PTPRB: variants seen among roughly 807,000 people sequenced by gnomAD.
The protein encoded by PTPRB is protein tyrosine phosphatase receptor type B.
A neutral mutation model predicts 238.1 loss-of-function variants in PTPRB; 97 were observed. The observed-to-expected ratio is 0.41, with a 90% CI of 0.35 to 0.48. PTPRB has a LOEUF of 0.48. Ranked by LOEUF, PTPRB falls within the 20% of genes least tolerant of loss-of-function variation. The probability of loss-of-function intolerance (pLI) is 0.30; values close to 1 mark genes in which losing one functional copy is unlikely to be tolerated. For synonymous variants in PTPRB, 970 were observed against 995.4 expected (o/e 0.97, Z 0.48); for missense variants, 2,292 against 2,681.9 (o/e 0.85, Z 3.21).
chr12:70,621,963 C>T (rs978936305), intron 3 of PTPRB, among the ~76,000 whole-genome samples: 1 of 152,140 alleles, frequency 6.6e-6, no homozygotes, highest in Admixed American at 6.6e-5. Flanking sequence ...TTAATGTGCT[C>T]CTGAATCAAT....
intron 3 of PTPRB, among the ~76,000 whole-genome samples, chr12:70,615,471 T>C (rs1884638027): frequency 6.6e-6 from 1 of 152,200 alleles, no homozygotes; most frequent in Non-Finnish European, 1.5e-5. Flanking sequence ...CCCACACCCA[T>C]TTATCAGCCT....
At chr12:70,569,651 G>A (rs910642344) in intron 14 of PTPRB, 24 bp downstream of exon 14, 2 of 1,612,582 alleles carry the variant, frequency 1.2e-6, no homozygotes, top group African/African-American at 2.7e-5. Flanking sequence ...CTACAATCTA[G>A]CCCTTCTCCA....
intron 16 of PTPRB, 62 bp downstream of exon 16, chr12:70,562,782 A>C: frequency 1.3e-6 from 2 of 1,563,994 alleles, no homozygotes; most frequent in Middle Eastern, 3.4e-4. Context: ...CAACCAAGGA[A>C]AAGCCAGTGA....
At chr12:70,608,859 C>T in intron 4 of PTPRB, 1 of 684,448 alleles carries the variant, frequency 1.5e-6, no homozygotes, top group Non-Finnish European at 2.3e-6. Flanking sequence ...AGCTAGTTGG[C>T]TGTTTTCAGC....
chr12:70,626,296 CATCTATCT>C (rs35084668), intron 2 of PTPRB, among the ~76,000 whole-genome samples: 12,059 of 91,512 alleles, frequency 0.13, 854 homozygotes, highest in South Asian at 0.14. Context: ...TCTATCCATC[CATCTATCT>C]ATCTATCTAT....
At chr12:70,521,591 G>A in intron 33 of PTPRB, 80 bp from the exon 34 acceptor site, 1 of 1,258,426 alleles carries the variant, frequency 7.9e-7, no homozygotes. Flanking sequence ...AATTACCAAT[G>A]TGAAAGACCA....
intron 15 of PTPRB, among the ~76,000 whole-genome samples, chr12:70,564,867 T>C (rs754432810): frequency 0.12 from 12,689 of 106,818 alleles, 672 homozygotes; most frequent in South Asian, 0.17. Flanking sequence ...ATAATAATAA[T>C]AATAATAATA....
intron 31 of PTPRB, among the ~76,000 whole-genome samples, chr12:70,532,798 C>G (rs935136900): frequency 6.6e-6 from 1 of 151,960 alleles, no homozygotes; most frequent in Middle Eastern, 3.4e-3. Context: ...TGTGTAACTA[C>G]TCCCAGCTAA....
rs761436274 is a variant in PTPRB at position 70,590,198 on chromosome 12, T to C, written c.1816A>G (p.Asn606Asp). The change falls in exon 8 of 34, where the codon AAT becomes GAT. Residue 606 changes from asparagine to aspartate, a missense_variant. Transcript: ENST00000334414. ...DKVANLEANN[N>D]GRMRSLVVSW... Reference sequence around the variant, plus strand: ...ACTACAAGAGACCTCATCCTGCCATTATTGTTTGCCTCCAGGTTTGCAACT... The same window carrying C: ...ACTACAAGAGACCTCATCCTGCCATCATTGTTTGCCTCCAGGTTTGCAACT... The C allele has an allele frequency of 3.8e-6, 6 of 1,585,652 alleles. No homozygotes were observed. The highest frequency in any genetic ancestry group is 5.2e-6 in the Non-Finnish European group (6 of 1,164,372).
rs1328916410 is a variant in PTPRB, at chr12:70,563,022, G to A, written c.3990C>T (p.Leu1330=). The A allele has an allele frequency of 1.9e-6, 3 of 1,613,984 alleles. No homozygotes were observed. Among genetic ancestry groups the A allele is most frequent in the East Asian group, 4.5e-5 (2 of 44,874 alleles). ...TGTACAAAAAGATGTTGTACCAGCT[G>A]AGCTCCCCCTCTGAGGCGGTCCAGC... ...SFRWTASEGE[L]SWYNIFLYNP... The change falls in exon 16 of 34, where the codon CTC becomes CTT. Residue 1330 remains leucine, a synonymous_variant. Transcript: ENST00000334414.
intron 15 of PTPRB, among the ~76,000 whole-genome samples, chr12:70,564,487 C>A (rs957959289): frequency 5.3e-5 from 8 of 149,670 alleles, no homozygotes; most frequent in Non-Finnish European, 8.9e-5. Flanking sequence ...CCACTGCACT[C>A]CAGCTTGGGC....
rs1385330009 is a variant in PTPRB at position 70,562,882 on chromosome 12, C to A, written c.4130G>T (p.Gly1377Val). The change falls in exon 16 of 34, where the codon GGG (glycine) becomes GTG (valine). Residue 1377 changes from glycine to valine, a missense_variant. Gly to Val is a moderately radical substitution (Grantham distance 109). Around this residue, in one of 4 missense-constraint regions of PTPRB, gnomAD observed 683 missense variants for 862.0 expected, o/e 0.79. Transcript: ENST00000334414. ...TATGAAAGACTCATTAGACAGCTCC[C>A]CACTGTGAGTTACAATCACCATCTT... ...MYKMVIVTHS[G>V]ELSNESFIFG... 1.2e-6 allele frequency: 2 copies of A among 1,613,990 alleles called. No homozygotes were observed. Among genetic ancestry groups the A allele is most frequent in the Middle Eastern group, 1.6e-4 (1 of 6,062 alleles).
At chr12:70,603,552 G>C (rs778139409) in intron 4 of PTPRB, among the ~76,000 whole-genome samples, 1 of 152,064 alleles carries the variant, frequency 6.6e-6, no homozygotes, top group Admixed American at 6.5e-5. Flanking sequence ...GTAAACCAGA[G>C]TTCAAGTTCT....
At chr12:70,604,222 CAG>C (rs1883758195) in intron 4 of PTPRB, among the ~76,000 whole-genome samples, 1 of 151,930 alleles carries the variant, frequency 6.6e-6, no homozygotes, top group Non-Finnish European at 1.5e-5. Context: ...GCCTGGGTAA[CAG>C]AGCAAGATCC....
chr12:70,605,004 G>A (rs1460796276), intron 4 of PTPRB, among the ~76,000 whole-genome samples: 1 of 152,148 alleles, frequency 6.6e-6, no homozygotes, highest in African/African-American at 2.4e-5. Flanking sequence ...ACAATAAGAA[G>A]TGGAAATAAT....
At chr12:70,525,096 C>T (rs1193997582) in intron 32 of PTPRB, among the ~76,000 whole-genome samples, 1 of 151,904 alleles carries the variant, frequency 6.6e-6, no homozygotes, top group Non-Finnish European at 1.5e-5. Context: ...TCCTATGTAG[C>T]TTACGTAAAT....
At chr12:70,615,560 T>C (rs1405032912) in intron 3 of PTPRB, among the ~76,000 whole-genome samples, 1 of 152,354 alleles carries the variant, frequency 6.6e-6, no homozygotes, top group Non-Finnish European at 1.5e-5. Flanking sequence ...GCTCTGTAAC[T>C]ACAAACAGCC....
Position 70,609,257 on chromosome 12 carries a change from C to A in PTPRB, c.791G>T (p.Arg264Ile), listed in dbSNP as rs1884228447. 1.2e-6 allele frequency: 2 copies of A among 1,614,058 alleles called. No homozygotes were observed. Among genetic ancestry groups the A allele is most frequent in the East Asian group, 2.2e-5 (1 of 44,880 alleles). ...AAAGTTACAGGGTGAGCCCAAAATT[C>A]TCCACTGGATAGACACAGAATGGCT... ...ASSHSVSIQW[R>I]ILGSPCNFSL... Residue 264 changes from arginine to isoleucine, a missense_variant, in exon 4 of 34, where the codon AGA becomes ATA. By Grantham distance (97) the Arg-to-Ile change is moderately conservative. This residue lies in a region of PTPRB where 1,205 missense variants were observed against 1,287.8 expected (regional missense o/e 0.94). Coordinates refer to ENST00000334414, the MANE Select transcript of PTPRB (RefSeq NM_001109754.4).
In PTPRB at chr12:70,581,097, C is replaced by G. The variant is rs767015316; in HGVS notation, c.2517G>C (p.Val839=). 1.2e-6 allele frequency: 2 copies of G among 1,614,020 alleles called. No individual in the cohort carries two copies. The highest frequency in any genetic ancestry group is 3.3e-5 in the Admixed American group (2 of 60,008). The stretch of plus-strand genomic sequence containing the variant: ...TCCCTCCACTCACTGTTGTTACCAC[C>G]ACGGAGTACAGGCTGCCGGACTTGA... ...HSLKSGSLYS[V]VVTTVSGGIS... Residue 839 remains valine (V), a synonymous_variant, in exon 10 of 34, where the codon GTG becomes GTC. Transcript: ENST00000334414.
Sources: allele counts gnomAD v4.1 joint callset (sites outside exome capture counted in the v4.1 genomes callset), GRCh38; gene constraint gnomAD v4.1.1; regional missense constraint gnomAD v4.1.1; transcripts MANE v1.5; gene names NCBI Gene and HGNC (gene_info 2026-07-23, HGNC 2026-07-21).